GLRX3: variants seen among roughly 807,000 people sequenced by gnomAD.
The protein encoded by GLRX3 is glutaredoxin-3.
GLRX3 carries 22 observed loss-of-function variants against 49.5 expected under a neutral mutation model. That is an observed-to-expected ratio of 0.44 (90% CI 0.32 to 0.63). The LOEUF is 0.63. Ranked by LOEUF, GLRX3 falls within the 30% of genes least tolerant of loss-of-function variation. The pLI is 0.05. For missense variants in GLRX3, 385 were observed against 396.3 expected (o/e 0.97, Z 0.24); for synonymous variants, 133 against 140.0 (o/e 0.95, Z 0.35).
At chr10:130,137,102 A>G (rs578027699) in intron 1 of GLRX3, among the ~76,000 whole-genome samples, 1 of 152,208 alleles carries the variant, frequency 6.6e-6, no homozygotes, top group Non-Finnish European at 1.5e-5. Context: ...GTCAGCCTTT[A>G]AAGTTTGTTG....
At position 130,177,438 on chromosome 10, in the gene GLRX3, G is replaced by A. The variant is rs116264311; in HGVS notation, c.958-1904G>A. ...GGTGGCGAGGACTGCCTTATTTGGC[G>A]CGCTCCCAATGTTCCAGGCACACTG... On this transcript the variant is annotated intron_variant, in intron 10 of 10. Transcript: ENST00000331244. Among the ~76,000 whole-genome samples, 607 of 152,292 alleles carry A rather than the reference G, an allele frequency of 4.0e-3. 5 individuals carry two copies. Among genetic ancestry groups the A allele is most frequent in the African/African-American group, 0.014 (572 of 41,546 alleles).
chr10:130,162,216 G>A (rs575591667), intron 4 of GLRX3, among the ~76,000 whole-genome samples: 31 of 152,184 alleles, frequency 2.0e-4, no homozygotes, highest in South Asian at 1.4e-3. Flanking sequence ...CTGACCTCAG[G>A]TGATCCGCCT....
At chr10:130,161,696 C>G (rs538173213) in intron 4 of GLRX3, among the ~76,000 whole-genome samples, 2 of 152,248 alleles carry the variant, frequency 1.3e-5, no homozygotes, top group South Asian at 4.1e-4. Flanking sequence ...TTTACTGTGC[C>G]TAGTACAACA....
Position 130,154,452 on chromosome 10 carries a change from A to G in GLRX3, c.202-5543A>G, listed in dbSNP as rs563447682. On this transcript the variant is annotated intron_variant, in intron 2 of 10. Coordinates refer to ENST00000331244, the MANE Select transcript of GLRX3 (RefSeq NM_006541.5). ...GGAGCTGCAGACTAGAGCTGTTCCT[A>G]TTTGGCCATCTTGGAAGCGATCTCA... 2.6e-5 allele frequency among the ~76,000 whole-genome samples: 4 copies of G among 152,180 alleles called. No individual in the cohort carries two copies. In the East Asian group the frequency reaches 7.7e-4, roughly 29 times the overall value.
chr10:130,169,043 G>A (rs528926766), intron 6 of GLRX3, among the ~76,000 whole-genome samples: 3 of 152,120 alleles, frequency 2.0e-5, no homozygotes, highest in Non-Finnish European at 4.4e-5. Flanking sequence ...AGCTTTACAC[G>A]TGTACAGTGG....
intron 2 of GLRX3, among the ~76,000 whole-genome samples, chr10:130,152,661 G>A (rs1299866558): frequency 1.3e-5 from 2 of 152,144 alleles, no homozygotes; most frequent in Non-Finnish European, 2.9e-5. Flanking sequence ...GGTTTCTGCC[G>A]AGAGATCTGC....
chr10:130,146,075 G>T (rs1464361753), intron 2 of GLRX3, among the ~76,000 whole-genome samples: 1 of 152,082 alleles, frequency 6.6e-6, no homozygotes, highest in Admixed American at 6.5e-5. Context: ...TTAGGCGTGA[G>T]CCACCACGCC....
At chr10:130,169,786 T>A (rs986829035) in intron 7 of GLRX3, among the ~76,000 whole-genome samples, 1 of 152,240 alleles carries the variant, frequency 6.6e-6, no homozygotes, top group Non-Finnish European at 1.5e-5. Flanking sequence ...CATTATCCTT[T>A]GTTTGAGTTT....
At chr10:130,176,792 C>CTATA (rs371839893) in intron 10 of GLRX3, among the ~76,000 whole-genome samples, 16 of 131,310 alleles carry the variant, frequency 1.2e-4, no homozygotes, top group African/African-American at 3.8e-4. Context: ...CTCTCTCTCT[C>CTATA]TATATATATA....
intron 4 of GLRX3, among the ~76,000 whole-genome samples, chr10:130,161,222 C>T (rs1275755419): frequency 1.3e-5 from 2 of 152,186 alleles, no homozygotes; most frequent in Non-Finnish European, 2.9e-5. Context: ...TCTCAGAACT[C>T]ATCTAATTCA....
rs1470674177 is a variant in GLRX3, at chr10:130,176,981, A to G, written c.957+1892A>G. On this transcript the variant is annotated intron_variant, in intron 10 of 10. Coordinates refer to ENST00000331244, the MANE Select transcript of GLRX3 (RefSeq NM_006541.5). ...CTGCGTGGGTAACTTCTTTTTAGTT[A>G]TATAACAGAGTGTTATATGATTTTT... Among the ~76,000 whole-genome samples, 4 of 152,290 alleles carry G rather than the reference A, an allele frequency of 2.6e-5. No individual in the cohort carries two copies. The South Asian group carries it at 8.3e-4, about 32-fold the overall frequency.
At chr10:130,173,151 T>C (rs1564999924) in intron 8 of GLRX3, among the ~76,000 whole-genome samples, 1 of 152,160 alleles carries the variant, frequency 6.6e-6, no homozygotes, top group Non-Finnish European at 1.5e-5. Flanking sequence ...ACACACACAG[T>C]CCATCCCTCT....
intron 10 of GLRX3, among the ~76,000 whole-genome samples, chr10:130,177,570 GAATTGTCCAC>G (rs779625935): frequency 4.6e-5 from 7 of 152,302 alleles, no homozygotes; most frequent in Admixed American, 6.5e-5. Flanking sequence ...GAGGTCAGGT[GAATTGTCCAC>G]CATCCCATAA....
chr10:130,165,882 G>C (rs1356039456), intron 4 of GLRX3, among the ~76,000 whole-genome samples: 2 of 152,248 alleles, frequency 1.3e-5, no homozygotes, highest in Admixed American at 6.5e-5. Flanking sequence ...GGGACTGTCA[G>C]AGCATCAGGT....
intron 4 of GLRX3, 63 bp from the exon 5 acceptor site, chr10:130,166,444 T>C: frequency 8.5e-7 from 1 of 1,180,858 alleles, no homozygotes; most frequent in Admixed American, 1.7e-5. Flanking sequence ...AACTAATGTA[T>C]TATCATGTGT....
intron 2 of GLRX3, among the ~76,000 whole-genome samples, chr10:130,158,719 G>A (rs1247663312): frequency 6.6e-6 from 1 of 151,610 alleles, no homozygotes; most frequent in Admixed American, 6.6e-5. Context: ...TAACACAAAC[G>A]TCTTTAAAAC....
chr10:130,144,600 C>T (rs1052792965), intron 1 of GLRX3, among the ~76,000 whole-genome samples: 1 of 152,134 alleles, frequency 6.6e-6, no homozygotes, highest in Non-Finnish European at 1.5e-5. Flanking sequence ...AGAATGGTGG[C>T]TTCCAGCTTC....
chr10:130,166,571 C>G lies in GLRX3; in HGVS notation c.543C>G (p.Ile181Met), dbSNP rs758654353. The change falls in exon 5 of 11, where the codon ATC (isoleucine) becomes ATG (methionine). Residue 181 changes from isoleucine (I) to methionine (M), a missense_variant. Coordinates refer to ENST00000331244, the MANE Select transcript of GLRX3 (RefSeq NM_006541.5). ...ATATTCAGTTTAGCAGTTTTGATAT[C>G]TTCTCAGATGAAGAGGTTCGACAGG... ...KHNIQFSSFD[I>M]FSDEEVRQGL... The G allele has an allele frequency of 6.2e-7, 1 of 1,611,050 alleles. No homozygotes were observed. Among genetic ancestry groups the G allele is most frequent in the African/African-American group, 1.3e-5 (1 of 74,964 alleles).
intron 8 of GLRX3, among the ~76,000 whole-genome samples, chr10:130,172,709 A>T (rs1862835418): frequency 6.6e-6 from 1 of 152,208 alleles, no homozygotes; most frequent in Non-Finnish European, 1.5e-5. Flanking sequence ...TGGGAGGCTG[A>T]GGTGAGTGGA....
Sources: gnomAD v4.1 joint callset for allele counts (sites outside exome capture counted in the v4.1 genomes callset) on GRCh38, gnomAD v4.1.1 for gene constraint, MANE v1.5 for transcripts, NCBI Gene and HGNC (gene_info 2026-07-23, HGNC 2026-07-21) for gene names.